Variants in MED26 observed in about 807,000 individuals in gnomAD.
MED26 encodes mediator complex subunit 26.
Under a neutral mutation model 43.7 loss-of-function variants are expected in MED26, and 7 were observed. That is an observed-to-expected ratio of 0.16 (90% CI 0.09 to 0.30). MED26 has a LOEUF of 0.30. Among genes scored for constraint, MED26 ranks in the 10% least tolerant of loss-of-function variants. The probability of loss-of-function intolerance (pLI) is 1.00; values close to 1 mark genes in which losing one functional copy is unlikely to be tolerated. For synonymous variants in MED26, 375 were observed against 371.1 expected (o/e 1.01, Z -0.12); for missense variants, 784 against 840.6 (o/e 0.93, Z 0.83).
intron 1 of MED26, among the ~76,000 whole-genome samples, chr19:16,606,952 G>T: frequency 6.6e-6 from 1 of 152,242 alleles, no homozygotes; most frequent in South Asian, 2.1e-4. Flanking sequence ...CAAACTTCTG[G>T]GCTCAAATGA....
intron 1 of MED26, among the ~76,000 whole-genome samples, chr19:16,607,336 A>G (rs1203625278): frequency 6.7e-6 from 1 of 149,394 alleles, no homozygotes; most frequent in Non-Finnish European, 1.5e-5. Flanking sequence ...ATGCCATTGC[A>G]CTCATGCCTG....
In MED26 at chr19:16,627,896, C is replaced by T. The variant is rs749072378; in HGVS notation, c.48G>A (p.Leu16=). 6.7e-7 allele frequency: 1 copy of T among 1,499,368 alleles called. No individual in the cohort carries two copies. Among genetic ancestry groups the T allele is most frequent in the Non-Finnish European group, 8.9e-7 (1 of 1,122,000 alleles). 92.9% of individuals were successfully genotyped at this position (1,499,368 alleles called of 1,614,324 possible). Reference sequence around the variant, plus strand: ...CGTTGCTCTGGGGGTCGATGGCCTGCAGCAGCCGGTCCCTGATCTGCTGCG... The same window carrying T: ...CGTTGCTCTGGGGGTCGATGGCCTGTAGCAGCCGGTCCCTGATCTGCTGCG... ...ASPQQIRDRL[L]QAIDPQSNIR... Residue 16 remains leucine, a synonymous_variant, in exon 1 of 3, where the codon CTG becomes CTA. Transcript: ENST00000263390.
In MED26 at chr19:16,621,758, T is replaced by C. The variant is rs76137964; in HGVS notation, c.72+6114A>G. Among the ~76,000 whole-genome samples the C allele has an allele frequency of 6.7e-3, 1,023 of 152,132 alleles. 16 individuals carry two copies. Among genetic ancestry groups the C allele is most frequent in the African/African-American group, 0.023 (935 of 41,470 alleles). On this transcript the variant is annotated intron_variant, in intron 1 of 2. Transcript: ENST00000263390. Reference sequence around the variant, plus strand: ...CACAGTGCCCCCAGACTGTGTTAAGTCAGCTCTGACAATAATCCACCACTT... The same window carrying C: ...CACAGTGCCCCCAGACTGTGTTAAGCCAGCTCTGACAATAATCCACCACTT...
At chr19:16,582,784 C>T (rs968577936) in intron 1 of MED26, among the ~76,000 whole-genome samples, 1 of 152,230 alleles carries the variant, frequency 6.6e-6, no homozygotes, top group Admixed American at 6.5e-5. Flanking sequence ...GGGCTGGAGA[C>T]CGACTTCCAT....
chr19:16,605,586 G>GCA (rs2086168843), intron 1 of MED26, among the ~76,000 whole-genome samples: 1 of 152,256 alleles, frequency 6.6e-6, no homozygotes. Context: ...AGAGAGAGCA[G>GCA]CAGGAAAGGG....
At chr19:16,583,262 C>A (rs1369291867) in intron 1 of MED26, among the ~76,000 whole-genome samples, 2 of 152,356 alleles carry the variant, frequency 1.3e-5, no homozygotes, top group East Asian at 3.9e-4. Context: ...CCAAAAAAAC[C>A]TCTCAAAACA....
chr19:16,578,507 G>C (rs2086026022), intron 1 of MED26, 98 bp from the exon 2 acceptor site: 5 of 1,097,020 alleles, frequency 4.6e-6, no homozygotes, highest in Non-Finnish European at 5.4e-6. Flanking sequence ...CCCAACCCCA[G>C]AGCAAGAGGA....
rs778170627 is a variant in MED26, at chr19:16,576,885, C to T, written c.945G>A (p.Pro315=). The change falls in exon 3 of 3, where the codon CCG becomes CCA. Residue 315 remains proline (P), a synonymous_variant. Transcript: ENST00000263390. This position sits in a 1 kb window ranked among gnomAD's most constrained non-coding sequence, Gnocchi z 6.8. ...GTGTGGACGGCTGTGCCAGTGGAAG[C>T]GGTGACGGCACCTGTGTGGCATCGA... is the stretch of plus-strand genomic sequence containing the variant. ...QALDATQVPS[P]LPLAQPSTPP... is the part of the protein sequence containing the mutation. 2.0e-5 allele frequency: 32 copies of T among 1,607,532 alleles called. No homozygotes were observed. The highest frequency in any genetic ancestry group is 3.3e-4 in the Middle Eastern group (2 of 6,050).
At position 16,577,482 on chromosome 19, in the gene MED26, C is replaced by T. The variant is rs543367189; in HGVS notation, c.348G>A (p.Gly116=). 22 of 1,589,396 alleles carry T rather than the reference C, an allele frequency of 1.4e-5. No individual in the cohort carries two copies. The Admixed American group carries it at 2.2e-4, about 16-fold the overall frequency. Residue 116 remains glycine, a synonymous_variant, in exon 3 of 3, where the codon GGG becomes GGA. Transcript: ENST00000263390. This position sits in a 1 kb window ranked among gnomAD's most constrained non-coding sequence, Gnocchi z 8.1. ...GGATGCTCCTGGGTGGGCCAGCCGC[C>T]CCCACCTCCGGCCGGCAGTTGTGTG... is the stretch of plus-strand genomic sequence containing the variant. ...GGAHNCRPEV[G]AAGPPRSIHD...
intron 1 of MED26, among the ~76,000 whole-genome samples, chr19:16,579,241 T>C (rs2086031168): frequency 6.6e-6 from 1 of 152,170 alleles, no homozygotes; most frequent in Non-Finnish European, 1.5e-5. Flanking sequence ...AGAATGCCTG[T>C]ACAGCAGTAC....
chr19:16,625,382 G>T (rs1174536936), intron 1 of MED26, among the ~76,000 whole-genome samples: 1 of 152,208 alleles, frequency 6.6e-6, no homozygotes, highest in Non-Finnish European at 1.5e-5. Flanking sequence ...CCAGATACTT[G>T]TGGATATTAG....
intron 1 of MED26, among the ~76,000 whole-genome samples, chr19:16,613,605 T>C (rs2086209582): frequency 6.6e-6 from 1 of 152,142 alleles, no homozygotes; most frequent in Admixed American, 6.6e-5. Context: ...TATCTCCGGA[T>C]GAAAGCAAAG....
chr19:16,579,763 A>T (rs2086035247), intron 1 of MED26, among the ~76,000 whole-genome samples: 1 of 152,138 alleles, frequency 6.6e-6, no homozygotes, highest in African/African-American at 2.4e-5. Flanking sequence ...AACAGCATAA[A>T]AGGGCACACA....
intron 1 of MED26, 175 bp from the exon 2 acceptor site, chr19:16,578,584 A>G (rs2086026435): frequency 1.6e-6 from 1 of 613,214 alleles, no homozygotes; most frequent in Admixed American, 2.9e-5. Context: ...CCTGGCACCC[A>G]GTGCTCATCC....
chr19:16,595,526 C>A (rs1463889407), intron 1 of MED26, among the ~76,000 whole-genome samples: 1 of 152,122 alleles, frequency 6.6e-6, no homozygotes, highest in African/African-American at 2.4e-5. Context: ...GGGATGACAT[C>A]CTGTGGTGGC....
At chr19:16,608,657 CA>C (rs1343330463) in intron 1 of MED26, among the ~76,000 whole-genome samples, 1 of 152,188 alleles carries the variant, frequency 6.6e-6, no homozygotes, top group Non-Finnish European at 1.5e-5. Flanking sequence ...AGGTAAAATT[CA>C]CATTGACATA....
chr19:16,575,921 G>A lies in MED26; in HGVS notation c.*106C>T, dbSNP rs1415249831. 4.0e-5 allele frequency: 35 copies of A among 882,274 alleles called. No individual in the cohort carries two copies. The highest frequency in any genetic ancestry group is 2.9e-4 in the Middle Eastern group (1 of 3,482). The allele number at this position is 882,274 out of a possible 1,614,324, so 54.7% of individuals were successfully genotyped here. ...CCCTCCCGCCTGGGCCGGACTCCCC[G>A]AGTTCCCAGCGCAGGAGGCAGCTGG... On this transcript the variant is annotated 3_prime_UTR_variant, in exon 3 of 3. Transcript: ENST00000263390.
chr19:16,613,523 G>A (rs984981927), intron 1 of MED26, among the ~76,000 whole-genome samples: 18 of 152,092 alleles, frequency 1.2e-4, no homozygotes, highest in African/African-American at 3.9e-4. Context: ...TACCCAAGGC[G>A]CTTGACGGGC....
chr19:16,601,897 C>T (rs968781460), intron 1 of MED26, among the ~76,000 whole-genome samples: 2 of 152,174 alleles, frequency 1.3e-5, no homozygotes, highest in African/African-American at 4.8e-5. Context: ...AGCAGGGAGA[C>T]AGTTCTGTGG....
Sources: allele counts gnomAD v4.1 joint callset (sites outside exome capture counted in the v4.1 genomes callset), GRCh38; gene constraint gnomAD v4.1.1; non-coding constraint Gnocchi (gnomAD v3.1); transcripts MANE v1.5; gene names NCBI Gene and HGNC (gene_info 2026-07-23, HGNC 2026-07-21).